The following GALNT17 variants were observed in gnomAD, a reference collection of about 807,000 sequenced individuals.
The protein encoded by GALNT17 is UDP-GalNAc:polypeptide N-acetylgalactosaminyltransferase-like 3.
Under a neutral mutation model 63.7 loss-of-function variants are expected in GALNT17, and 29 were observed. The observed-to-expected ratio is 0.46, with a 90% CI of 0.34 to 0.62. The LOEUF (loss-of-function observed/expected upper bound fraction) is 0.62, where lower values mean the gene tolerates loss of function less well. Ranked by LOEUF, GALNT17 falls within the 20% of genes least tolerant of loss-of-function variation. The pLI is 0.01. For missense variants in GALNT17, 603 were observed against 799.6 expected (o/e 0.75, Z 2.97); for synonymous variants, 305 against 318.3 (o/e 0.96, Z 0.45).
intron 1 of GALNT17, among the ~76,000 whole-genome samples, chr7:71,180,812 C>A (rs1332985432): frequency 6.6e-6 from 1 of 152,022 alleles, no homozygotes; most frequent in Non-Finnish European, 1.5e-5. Context: ...GGATGGTGTG[C>A]ATGAGAAGGG....
chr7:71,678,655 C>T (rs892372452), intron 9 of GALNT17, among the ~76,000 whole-genome samples: 5 of 151,800 alleles, frequency 3.3e-5, no homozygotes, highest in Non-Finnish European at 5.9e-5. Flanking sequence ...ATTAGCTGGG[C>T]GTGGTGGTGG....
intron 1 of GALNT17, among the ~76,000 whole-genome samples, chr7:71,184,496 G>A (rs1322555673): frequency 6.6e-6 from 1 of 152,132 alleles, no homozygotes; most frequent in Non-Finnish European, 1.5e-5. Flanking sequence ...TTTACTGCAG[G>A]TAAATCCTCC....
At chr7:71,471,407 A>AAAAC in intron 5 of GALNT17, among the ~76,000 whole-genome samples, 1 of 149,296 alleles carries the variant, frequency 6.7e-6, no homozygotes, top group East Asian at 2.0e-4. Flanking sequence ...TCCAAAAAAA[A>AAAAC]AAAAAAACAA....
intron 6 of GALNT17, among the ~76,000 whole-genome samples, chr7:71,614,442 AACATAGCAAG>A: frequency 6.6e-6 from 1 of 152,284 alleles, no homozygotes; most frequent in East Asian, 1.9e-4. Flanking sequence ...CAGCCTAGGT[AACATAGCAAG>A]ATCTCATCTC....
chr7:71,612,729 A>G (rs1034605950), intron 6 of GALNT17, among the ~76,000 whole-genome samples: 3 of 152,198 alleles, frequency 2.0e-5, no homozygotes, highest in African/African-American at 2.4e-5. Flanking sequence ...TTGGTCTGTC[A>G]TGTTGATGGA....
intron 9 of GALNT17, among the ~76,000 whole-genome samples, chr7:71,703,463 A>G (rs1791680936): frequency 6.6e-6 from 1 of 152,208 alleles, no homozygotes; most frequent in South Asian, 2.1e-4. Flanking sequence ...GAACTCATTT[A>G]TCACCAAGGG....
At chr7:71,300,354 G>A (rs747997831) in intron 1 of GALNT17, 2 of 428,046 alleles carry the variant, frequency 4.7e-6, no homozygotes, top group East Asian at 1.5e-4. Context: ...AAACCAAGAC[G>A]ACACCACCTC....
rs143062643 is a variant in GALNT17 at position 71,153,210 on chromosome 7, C to T, written c.238+20170C>T. 9.9e-3 allele frequency among the ~76,000 whole-genome samples: 1,512 copies of T among 152,244 alleles called. 13 individuals carry two copies. Among genetic ancestry groups the T allele is most frequent in the Non-Finnish European group, 0.016 (1,118 of 68,026 alleles). The stretch of plus-strand genomic sequence containing the variant: ...GGCTTTGGAAAAAATCACCTAACAT[C>T]AATGAGCCTCAGTTTACTCATCTGG... On this transcript the variant is annotated intron_variant, in intron 1 of 10. Coordinates refer to ENST00000333538, the MANE Select transcript of GALNT17 (RefSeq NM_022479.3).
intron 2 of GALNT17, among the ~76,000 whole-genome samples, chr7:71,374,986 C>T (rs1386879477): frequency 6.6e-6 from 1 of 151,854 alleles, no homozygotes; most frequent in Non-Finnish European, 1.5e-5. Flanking sequence ...ATTACAGGCG[C>T]ACACCACCAT....
intron 5 of GALNT17, among the ~76,000 whole-genome samples, chr7:71,463,122 G>A (rs897633056): frequency 1.3e-4 from 20 of 152,158 alleles, no homozygotes; most frequent in Admixed American, 6.5e-5. Context: ...AGTGCAGGGT[G>A]AAGTCACAGG....
chr7:71,532,108 A>G (rs942482686), intron 5 of GALNT17, among the ~76,000 whole-genome samples: 1 of 152,160 alleles, frequency 6.6e-6, no homozygotes, highest in Non-Finnish European at 1.5e-5. Flanking sequence ...TGGAGATTAG[A>G]GTTCTTGTCT....
At chr7:71,181,395 A>G (rs1788732963) in intron 1 of GALNT17, among the ~76,000 whole-genome samples, 1 of 152,220 alleles carries the variant, frequency 6.6e-6, no homozygotes, top group Non-Finnish European at 1.5e-5. Flanking sequence ...ACAGAAAAGA[A>G]AAGGGAGGGT....
intron 1 of GALNT17, among the ~76,000 whole-genome samples, chr7:71,295,748 A>G (rs1480387837): frequency 6.6e-6 from 1 of 151,758 alleles, no homozygotes; most frequent in Non-Finnish European, 1.5e-5. Context: ...ACAGGTGCAC[A>G]CCATCATGCC....
intron 2 of GALNT17, among the ~76,000 whole-genome samples, chr7:71,345,204 T>C (rs1401116880): frequency 2.0e-5 from 3 of 150,884 alleles, no homozygotes; most frequent in African/African-American, 7.3e-5. Flanking sequence ...CACTGTGGCA[T>C]AGTAATTATC....
At chr7:71,559,581 A>G in intron 5 of GALNT17, among the ~76,000 whole-genome samples, 1 of 152,220 alleles carries the variant, frequency 6.6e-6, no homozygotes, top group Non-Finnish European at 1.5e-5. Context: ...TTATGAATCA[A>G]CCAGGCGCAG....
chr7:71,298,314 C>A (rs556473303), intron 1 of GALNT17, among the ~76,000 whole-genome samples: 1 of 152,308 alleles, frequency 6.6e-6, no homozygotes, highest in South Asian at 2.1e-4. Context: ...GCCACCACAC[C>A]TGTCCTGTGT....
chr7:71,243,501 G>T (rs1790038744), intron 1 of GALNT17, among the ~76,000 whole-genome samples: 1 of 151,968 alleles, frequency 6.6e-6, no homozygotes, highest in Non-Finnish European at 1.5e-5. Flanking sequence ...TCTACTAAAG[G>T]TTTCTTTTCC....
intron 9 of GALNT17, among the ~76,000 whole-genome samples, chr7:71,684,332 G>A (rs1007780459): frequency 3.3e-5 from 5 of 152,198 alleles, no homozygotes; most frequent in African/African-American, 1.2e-4. Context: ...CTATCAGGAA[G>A]AAAGAGGGGG....
At position 71,249,308 on chromosome 7, in the gene GALNT17, T is replaced by G. The variant is rs199946935; in HGVS notation, c.239-86242T>G. ...TTTCAAAGCATATTCATATTTATTT[T>G]TTTCTCTCGTTAATTTTGGGAGACA... On this transcript the variant is annotated intron_variant, in intron 1 of 10. Coordinates refer to ENST00000333538, the MANE Select transcript of GALNT17 (RefSeq NM_022479.3). Among the ~76,000 whole-genome samples the G allele has an allele frequency of 4.6e-5, 7 of 152,360 alleles. No homozygotes were observed. The East Asian group carries it at 1.4e-3, about 29-fold the overall frequency.
Sources: allele counts gnomAD v4.1 joint callset (sites outside exome capture counted in the v4.1 genomes callset), GRCh38; gene constraint gnomAD v4.1.1; transcripts MANE v1.5; gene names NCBI Gene and HGNC (gene_info 2026-07-23, HGNC 2026-07-21).